The following GMDS variants were observed in gnomAD, a reference collection of about 807,000 sequenced individuals.
The protein encoded by GMDS is GDP-mannose 4,6-dehydratase, also known as GDP-mannose 4,6 dehydratase.
Under a neutral mutation model 49.9 loss-of-function variants are expected in GMDS, and 20 were observed. The observed-to-expected ratio is 0.40, with a 90% CI of 0.28 to 0.58. The LOEUF is 0.58. GMDS is among the 20% of genes least tolerant of loss of function. The pLI, the probability that GMDS is intolerant of heterozygous loss-of-function variation, is 0.42. For missense variants in GMDS, 362 were observed against 481.4 expected (o/e 0.75, Z 2.32); for synonymous variants, 177 against 178.6 (o/e 0.99, Z 0.07).
intron 9 of GMDS, among the ~76,000 whole-genome samples, chr6:1,655,496 T>TACAC (rs70989195): frequency 1.9e-5 from 1 of 53,540 alleles, no homozygotes; most frequent in African/African-American, 7.9e-5. Context: ...CACACACACA[T>TACAC]ACACACACAC....
chr6:2,095,852 A>G (rs1267398320), intron 4 of GMDS, among the ~76,000 whole-genome samples: 1 of 152,170 alleles, frequency 6.6e-6, no homozygotes, highest in East Asian at 1.9e-4. Flanking sequence ...CCAATTGTGG[A>G]AAGTATGCTA....
At chr6:2,018,584 A>G (rs1158210097) in intron 4 of GMDS, among the ~76,000 whole-genome samples, 2 of 152,160 alleles carry the variant, frequency 1.3e-5, no homozygotes, top group African/African-American at 4.8e-5. Context: ...TATTAATGGA[A>G]TCATAATACG....
At chr6:2,132,245 T>A (rs1775777553) in intron 1 of GMDS, among the ~76,000 whole-genome samples, 1 of 152,160 alleles carries the variant, frequency 6.6e-6, no homozygotes, top group African/African-American at 2.4e-5. Context: ...ATGGATCCTA[T>A]TAGAATGGAA....
At chr6:2,101,051 A>ATT (rs138705801) in intron 4 of GMDS, among the ~76,000 whole-genome samples, 4 of 150,442 alleles carry the variant, frequency 2.7e-5, no homozygotes, top group Non-Finnish European at 5.9e-5. Flanking sequence ...CATTACTGAG[A>ATT]TTTTTTTTTT....
intron 7 of GMDS, among the ~76,000 whole-genome samples, chr6:1,851,888 T>A (rs1489161572): frequency 1.3e-5 from 2 of 152,210 alleles, no homozygotes; most frequent in East Asian, 3.9e-4. Flanking sequence ...ACAGCAGACA[T>A]CCGGAGCAGG....
intron 4 of GMDS, among the ~76,000 whole-genome samples, chr6:2,079,589 C>A (rs1772553967): frequency 6.6e-6 from 1 of 152,040 alleles, no homozygotes; most frequent in Non-Finnish European, 1.5e-5. Context: ...GATATAGTAT[C>A]CCTTGGATAG....
At chr6:2,115,135 A>G (rs921996639) in intron 4 of GMDS, among the ~76,000 whole-genome samples, 1 of 152,188 alleles carries the variant, frequency 6.6e-6, no homozygotes, top group Admixed American at 6.5e-5. Flanking sequence ...TGTGAGCAGG[A>G]GGACACGGCA....
chr6:2,203,418 G>T lies in GMDS; in HGVS notation c.102+41903C>A, dbSNP rs973644565. Among the ~76,000 whole-genome samples, 8 of 152,156 alleles carry T rather than the reference G, an allele frequency of 5.3e-5. No homozygotes were observed. The East Asian group carries it at 1.5e-3, about 29-fold the overall frequency. On this transcript the variant is annotated intron_variant, in intron 1 of 10. Transcript: ENST00000380815. ...GTATGCTCCTGCCTAGTGAGAGTCAGCAGCTGAGAGTCTTGTATTAGCAGG... is the reference window on the plus strand; with the variant it reads ...GTATGCTCCTGCCTAGTGAGAGTCATCAGCTGAGAGTCTTGTATTAGCAGG...
intron 7 of GMDS, among the ~76,000 whole-genome samples, chr6:1,771,189 G>A (rs190645886): frequency 3.9e-5 from 6 of 152,300 alleles, no homozygotes; most frequent in Admixed American, 3.3e-4. Flanking sequence ...AATCTGGAGC[G>A]TGTCAGCTTC....
At chr6:2,209,823 C>T (rs551061522) in intron 1 of GMDS, among the ~76,000 whole-genome samples, 75 of 152,230 alleles carry the variant, frequency 4.9e-4, no homozygotes, top group African/African-American at 1.6e-3. Flanking sequence ...AGGCTTAAGA[C>T]AGATTCTTAA....
intron 4 of GMDS, among the ~76,000 whole-genome samples, chr6:2,106,856 C>T (rs1774270583): frequency 7.0e-6 from 1 of 143,346 alleles, no homozygotes. Flanking sequence ...GAGCGAGACT[C>T]TGTCTCAAAA....
chr6:2,160,810 A>T (rs1476448978), intron 1 of GMDS, among the ~76,000 whole-genome samples: 1 of 152,120 alleles, frequency 6.6e-6, no homozygotes, highest in South Asian at 2.1e-4. Context: ...TACAGGCATG[A>T]GCCACGACCA....
intron 9 of GMDS, among the ~76,000 whole-genome samples, chr6:1,683,947 T>A (rs1283675573): frequency 6.7e-6 from 1 of 148,890 alleles, no homozygotes; most frequent in Non-Finnish European, 1.5e-5. Flanking sequence ...CTATCAGCTA[T>A]GAGGGTGGGG....
At chr6:1,677,445 G>C (rs1456821566) in intron 9 of GMDS, among the ~76,000 whole-genome samples, 6 of 152,034 alleles carry the variant, frequency 3.9e-5, no homozygotes, top group African/African-American at 1.5e-4. Flanking sequence ...CCCATTACTG[G>C]GCATATACCC....
At chr6:1,844,466 C>T (rs1426475606) in intron 7 of GMDS, among the ~76,000 whole-genome samples, 3 of 152,138 alleles carry the variant, frequency 2.0e-5, no homozygotes, top group Non-Finnish European at 2.9e-5. Context: ...CTTGGCATAC[C>T]ATACTTTTTG....
Position 1,819,780 on chromosome 6 carries a change from T to A in GMDS, c.772-77194A>T, listed in dbSNP as rs201281901. Among the ~76,000 whole-genome samples, 280 of 126,866 alleles carry A rather than the reference T, an allele frequency of 2.2e-3. 1 individual carries two copies. The highest frequency in any genetic ancestry group is 7.9e-3 in the Middle Eastern group (2 of 254). The allele number at this position is 126,866 out of a possible 152,430, so 83.2% of individuals were successfully genotyped here. A position where few individuals can be genotyped will look rare whatever the true frequency, so the allele number is the denominator to read the frequency against. ...TGCCTCAAAAAAAAAAAAAAAAATATATATATATATATATATATCTACCTT... is the reference window on the plus strand; with the variant it reads ...TGCCTCAAAAAAAAAAAAAAAAATAAATATATATATATATATATCTACCTT... On this transcript the variant is annotated intron_variant, in intron 7 of 10. Coordinates refer to ENST00000380815, the MANE Select transcript of GMDS (RefSeq NM_001500.4).
At chr6:2,084,432 T>C (rs1433185819) in intron 4 of GMDS, among the ~76,000 whole-genome samples, 5 of 152,292 alleles carry the variant, frequency 3.3e-5, no homozygotes, top group African/African-American at 1.2e-4. Flanking sequence ...CTAAAATAGC[T>C]CCCAGATTCT....
chr6:1,766,044 T>C lies in GMDS; in HGVS notation c.772-23458A>G, dbSNP rs80320742. On this transcript the variant is annotated intron_variant, in intron 7 of 10. Transcript: ENST00000380815. The surrounding 1 kb of genome is among the most constrained non-coding windows in gnomAD (Gnocchi z 4.5). Reference sequence around the variant, plus strand: ...CTTCAGAAATCAGCTGCAAACGTCCTCTCTCCCAGTGGGCAGAGCGGCTGC... The same window carrying C: ...CTTCAGAAATCAGCTGCAAACGTCCCCTCTCCCAGTGGGCAGAGCGGCTGC... Among the ~76,000 whole-genome samples the C allele has an allele frequency of 0.016, 2,488 of 152,140 alleles. 62 individuals are homozygous for C. Among genetic ancestry groups the C allele is most frequent in the African/African-American group, 0.053 (2,188 of 41,488 alleles).
intron 1 of GMDS, among the ~76,000 whole-genome samples, chr6:2,188,875 C>A (rs1778893713): frequency 6.6e-6 from 1 of 151,974 alleles, no homozygotes; most frequent in African/African-American, 2.4e-5. Flanking sequence ...CAAGGTGGGC[C>A]CTGGAGAAAG....
Sources: allele counts gnomAD v4.1 joint callset (sites outside exome capture counted in the v4.1 genomes callset), GRCh38; gene constraint gnomAD v4.1.1; non-coding constraint Gnocchi (gnomAD v3.1); transcripts MANE v1.5; gene names NCBI Gene and HGNC (gene_info 2026-07-23, HGNC 2026-07-21).